Variants in GRIK3 observed in about 807,000 individuals in gnomAD.
GRIK3 encodes glutamate ionotropic receptor kainate type subunit 3, also known as glutamate receptor ionotropic, kainate 3.
GRIK3 carries 29 observed loss-of-function variants against 102.5 expected under a neutral mutation model. That is an observed-to-expected ratio of 0.28 (90% CI 0.21 to 0.39). The LOEUF (loss-of-function observed/expected upper bound fraction) is 0.39. Among genes scored for constraint, GRIK3 ranks in the 10% least tolerant of loss-of-function variants. GRIK3 has a pLI of 1.00. For synonymous variants in GRIK3, 511 were observed against 504.9 expected (o/e 1.01, Z -0.16); for missense variants, 908 against 1,252.4 (o/e 0.73, Z 4.15).
At chr1:36,892,600 G>A (rs558515862) in intron 1 of GRIK3, among the ~76,000 whole-genome samples, 10 of 151,126 alleles carry the variant, frequency 6.6e-5, no homozygotes, top group African/African-American at 2.2e-4. Context: ...TAAAGTTCAC[G>A]TGTAGAGGTG....
At chr1:36,864,318 T>C (rs1640759696) in intron 5 of GRIK3, among the ~76,000 whole-genome samples, 2 of 152,166 alleles carry the variant, frequency 1.3e-5, no homozygotes, top group Admixed American at 6.5e-5. Flanking sequence ...AGTGGTGTTA[T>C]GCAAGTTTGG....
chr1:37,018,994 C>T (rs1439686519), intron 1 of GRIK3, among the ~76,000 whole-genome samples: 1 of 152,166 alleles, frequency 6.6e-6, no homozygotes, highest in African/African-American at 2.4e-5. Context: ...TTTTCCCTCC[C>T]ACCCTCCAAG....
In GRIK3 at chr1:36,806,041, G is replaced by A. The variant is rs144522103; in HGVS notation, c.2314+63C>T. The A allele has an allele frequency of 7.6e-5, 82 of 1,072,212 alleles. 2 individuals are homozygous for A. The South Asian group carries it at 1.0e-3, about 13-fold the overall frequency. 66.4% of individuals were successfully genotyped at this position (1,072,212 alleles called of 1,614,324 possible). A position where few individuals can be genotyped will look rare whatever the true frequency, so the allele number is the denominator to read the frequency against. ...GCTGTGAGACGGAGTGTGAGGGGAC[G>A]CGGGGGTGGAGCCCTCCCTCTGCCC... On this transcript the variant is annotated intron_variant, in intron 14 of 15. Coordinates refer to ENST00000373091, the MANE Select transcript of GRIK3 (RefSeq NM_000831.4). The surrounding 1 kb of genome is among the most constrained non-coding windows in gnomAD (Gnocchi z 4.0).
At chr1:36,979,737 G>A (rs1642230875) in intron 1 of GRIK3, among the ~76,000 whole-genome samples, 1 of 152,212 alleles carries the variant, frequency 6.6e-6, no homozygotes, top group Non-Finnish European at 1.5e-5. Flanking sequence ...AAGGCCATGA[G>A]GTGGAGTCAG....
At chr1:36,990,306 A>G (rs532415799) in intron 1 of GRIK3, among the ~76,000 whole-genome samples, 159 of 152,266 alleles carry the variant, frequency 1.0e-3, no homozygotes, top group East Asian at 9.7e-4. Context: ...GTATCCGCTG[A>G]GCTAGGCTGT....
rs1178846852 is a variant in GRIK3, at chr1:36,960,016, AAGTCTGTGTGCCCCGCG to A, written c.116-68937_116-68921del. 3.6e-4 allele frequency among the ~76,000 whole-genome samples: 25 copies of A among 69,666 alleles called. 4 individuals are homozygous for A. The highest frequency in any genetic ancestry group is 1.2e-4 in the Non-Finnish European group (4 of 33,706). 45.7% of individuals were successfully genotyped at this position (69,666 alleles called of 152,430 possible). On this transcript the variant is annotated intron_variant, in intron 1 of 15. Coordinates refer to ENST00000373091, the MANE Select transcript of GRIK3 (RefSeq NM_000831.4). ...TGCCCCGTGAGTCTGTGTGCCCCAT[AAGTCTGTGTGCCCCGCG>A]AGTCTGTGTGCCCTGTGAGCCTGTG... is the stretch of plus-strand genomic sequence containing the variant.
chr1:36,930,415 T>C (rs184831615), intron 1 of GRIK3, among the ~76,000 whole-genome samples: 1 of 152,306 alleles, frequency 6.6e-6, no homozygotes, highest in Admixed American at 6.5e-5. Context: ...TCCCTTGACC[T>C]TGTGGAATCA....
intron 1 of GRIK3, among the ~76,000 whole-genome samples, chr1:36,969,418 T>C (rs1334392520): frequency 6.6e-6 from 1 of 152,252 alleles, no homozygotes; most frequent in African/African-American, 2.4e-5. Context: ...GGAAGCAAGT[T>C]TGATCTTGAC....
At chr1:36,811,437 A>T (rs1642560893) in intron 13 of GRIK3, among the ~76,000 whole-genome samples, 1 of 152,192 alleles carries the variant, frequency 6.6e-6, no homozygotes, top group Non-Finnish European at 1.5e-5. Context: ...TACATATATA[A>T]ATAAGCGATG....
chr1:36,800,283 C>T lies in GRIK3; in HGVS notation c.*1568G>A, dbSNP rs1642425999. Reference sequence around the variant, plus strand: ...TCCAGAATCCCCAGAACCTCCCTCCCCTGTTCAAAACCTGCCCCTCCATCC... The same window carrying T: ...TCCAGAATCCCCAGAACCTCCCTCCTCTGTTCAAAACCTGCCCCTCCATCC... On this transcript the variant is annotated 3_prime_UTR_variant, in exon 16 of 16. Transcript: ENST00000373091. The T allele has an allele frequency of 6.6e-6, 1 of 152,424 alleles. No individual in the cohort carries two copies. Among genetic ancestry groups the T allele is most frequent in the Non-Finnish European group, 1.5e-5 (1 of 68,096 alleles). 9.4% of individuals were successfully genotyped at this position (152,424 alleles called of 1,614,324 possible). A position where few individuals can be genotyped will look rare whatever the true frequency, so the allele number is the denominator to read the frequency against.
intron 1 of GRIK3, among the ~76,000 whole-genome samples, chr1:36,894,697 G>A (rs1641153811): frequency 6.6e-6 from 1 of 152,332 alleles, no homozygotes; most frequent in South Asian, 2.1e-4. Context: ...AAGTGTAATT[G>A]ACTAGTTGCT....
chr1:37,027,944 T>C (rs531818005), intron 1 of GRIK3, among the ~76,000 whole-genome samples: 2 of 152,288 alleles, frequency 1.3e-5, no homozygotes, highest in South Asian at 4.1e-4. Flanking sequence ...CAGGTCCCCA[T>C]GCCCAACCCA....
At chr1:36,934,176 T>C (rs552850679) in intron 1 of GRIK3, among the ~76,000 whole-genome samples, 13 of 152,244 alleles carry the variant, frequency 8.5e-5, no homozygotes, top group Admixed American at 2.6e-4. Context: ...GACACAAGGC[T>C]CTTCCACTCT....
At chr1:36,816,881 C>T (rs1642637235) in intron 13 of GRIK3, among the ~76,000 whole-genome samples, 179 bp downstream of exon 13, 1 of 152,206 alleles carries the variant, frequency 6.6e-6, no homozygotes, top group Non-Finnish European at 1.5e-5. Flanking sequence ...ACCCAGTTGG[C>T]CCACATCACC....
intron 1 of GRIK3, among the ~76,000 whole-genome samples, chr1:37,029,072 C>T (rs774885556): frequency 6.6e-6 from 1 of 151,784 alleles, no homozygotes; most frequent in African/African-American, 2.4e-5. Flanking sequence ...GAAGACACTG[C>T]GGTGGCCGTC....
At chr1:36,956,722 A>G (rs77213621) in intron 1 of GRIK3, among the ~76,000 whole-genome samples, 7,645 of 152,334 alleles carry the variant, frequency 0.05, 245 homozygotes, top group East Asian at 0.083. Flanking sequence ...AGACAAAGGC[A>G]GTGGGGAAGT....
intron 7 of GRIK3, among the ~76,000 whole-genome samples, chr1:36,858,898 T>G (rs1640684675): frequency 6.6e-6 from 1 of 152,220 alleles, no homozygotes; most frequent in African/African-American, 2.4e-5. Flanking sequence ...ACTTACCACA[T>G]GCCCAAGATG....
chr1:36,859,241 G>A lies in GRIK3; in HGVS notation c.971C>T (p.Ala324Val), dbSNP rs1640691511. ...LLDGVMMTDA[A>V]LLYDAVHIVS... ...GATATGGACGGCGTCGTACAGTAAG[G>A]CTGCATCAGTCTGCAGGGAAGGGCC... Residue 324 changes from alanine (A) to valine (V), a missense_variant, in exon 7 of 16, where the codon GCC becomes GTC. This residue lies in a region of GRIK3 where 585 missense variants were observed against 824.9 expected (regional missense o/e 0.71). Coordinates refer to ENST00000373091, the MANE Select transcript of GRIK3 (RefSeq NM_000831.4). The A allele has an allele frequency of 1.2e-6, 2 of 1,608,414 alleles. No individual in the cohort carries two copies. Among genetic ancestry groups the A allele is most frequent in the Non-Finnish European group, 1.7e-6 (2 of 1,175,818 alleles).
chr1:37,025,823 T>A (rs1642759986), intron 1 of GRIK3, among the ~76,000 whole-genome samples: 1 of 152,248 alleles, frequency 6.6e-6, no homozygotes, highest in Non-Finnish European at 1.5e-5. Context: ...TAGTTCCTTC[T>A]TGCTGCTTTT....
Sources: allele counts gnomAD v4.1 joint callset (sites outside exome capture counted in the v4.1 genomes callset), GRCh38; gene constraint gnomAD v4.1.1; regional missense constraint gnomAD v4.1.1; non-coding constraint Gnocchi (gnomAD v3.1); transcripts MANE v1.5; gene names NCBI Gene and HGNC (gene_info 2026-07-23, HGNC 2026-07-21).